The following WWOX variants were observed in gnomAD, a reference collection of about 807,000 sequenced individuals.
WWOX encodes WW domain-containing oxidoreductase.
WWOX carries 69 observed loss-of-function variants against 46.2 expected under a neutral mutation model. That is an observed-to-expected ratio of 1.49 (90% CI 1.23 to 1.82). The LOEUF is 1.82. Among genes scored for constraint, WWOX ranks in the 40% most tolerant of loss-of-function variants. The pLI is 0.00. For synonymous variants in WWOX, 359 were observed against 202.6 expected (o/e 1.77, Z -6.56); for missense variants, 919 against 542.6 (o/e 1.69, Z -6.89).
chr16:78,246,011 C>T (rs1276425761), intron 5 of WWOX, among the ~76,000 whole-genome samples: 1 of 152,186 alleles, frequency 6.6e-6, no homozygotes, highest in East Asian at 1.9e-4. Context: ...GTCTCATTCT[C>T]CCTGAATGGT....
At chr16:78,691,136 A>G (rs374060814) in intron 8 of WWOX, 7 of 658,124 alleles carry the variant, frequency 1.1e-5, no homozygotes, top group East Asian at 2.7e-5. Flanking sequence ...TTAGAAGTTC[A>G]TAAAAGCAAA....
At chr16:78,446,657 CTTTTTTTTTTTTT>C (rs5818138) in intron 8 of WWOX, among the ~76,000 whole-genome samples, 4 of 88,120 alleles carry the variant, frequency 4.5e-5, no homozygotes, top group South Asian at 3.7e-4. Flanking sequence ...CAAGTGTATA[CTTTTTTTTTTTTT>C]TTTTTTTTTT....
At chr16:78,614,599 C>T (rs533553759) in intron 8 of WWOX, among the ~76,000 whole-genome samples, 4 of 152,280 alleles carry the variant, frequency 2.6e-5, no homozygotes, top group Admixed American at 2.0e-4. Flanking sequence ...ATGTGTGGGT[C>T]TTTGAGCTAG....
intron 4 of WWOX, among the ~76,000 whole-genome samples, chr16:78,160,482 A>G (rs554800074): frequency 2.0e-5 from 3 of 152,294 alleles, no homozygotes; most frequent in African/African-American, 7.2e-5. Flanking sequence ...GGCTTTAGCT[A>G]TACTCCTTAA....
chr16:78,930,222 T>TCTTCCTTCCTTCCTTC (rs574392161), intron 8 of WWOX, among the ~76,000 whole-genome samples: 3,910 of 104,944 alleles, frequency 0.037, 185 homozygotes, highest in African/African-American at 0.061. Context: ...TCAGGACCTT[T>TCTTCCTTCCTTCCTTC]CTTCCTTCCT....
intron 8 of WWOX, among the ~76,000 whole-genome samples, chr16:78,648,977 A>G (rs1420036976): frequency 1.3e-5 from 2 of 151,402 alleles, no homozygotes; most frequent in Admixed American, 1.3e-4. Context: ...TTGCTTATTT[A>G]TTTGTTTATT....
At chr16:78,499,320 G>A (rs2084998255) in intron 8 of WWOX, among the ~76,000 whole-genome samples, 1 of 152,178 alleles carries the variant, frequency 6.6e-6, no homozygotes, top group South Asian at 2.1e-4. Flanking sequence ...TGGCACACAT[G>A]CTCTGTAGTC....
intron 8 of WWOX, among the ~76,000 whole-genome samples, chr16:78,578,443 C>G (rs2044960127): frequency 6.6e-6 from 1 of 150,716 alleles, no homozygotes; most frequent in Non-Finnish European, 1.5e-5. Flanking sequence ...GCGCCCACCA[C>G]CATGCCTGGC....
At chr16:78,766,812 T>G (rs1397985339) in intron 8 of WWOX, among the ~76,000 whole-genome samples, 1 of 152,224 alleles carries the variant, frequency 6.6e-6, no homozygotes, top group Non-Finnish European at 1.5e-5. Context: ...ACTTAGTATT[T>G]ATCATTTTAA....
intron 8 of WWOX, among the ~76,000 whole-genome samples, chr16:78,555,291 C>G (rs776797781): frequency 6.6e-6 from 1 of 151,518 alleles, no homozygotes; most frequent in Non-Finnish European, 1.5e-5. Context: ...TTCAACCAAA[C>G]TGAAAGGGAA....
chr16:79,070,955 C>G (rs1321976870), intron 8 of WWOX, among the ~76,000 whole-genome samples: 2 of 152,164 alleles, frequency 1.3e-5, no homozygotes, highest in Non-Finnish European at 2.9e-5. Context: ...CAGGTGGTTT[C>G]TTACTATGTC....
At chr16:79,000,230 C>G (rs55995798) in intron 8 of WWOX, among the ~76,000 whole-genome samples, 4,618 of 152,232 alleles carry the variant, frequency 0.03, 229 homozygotes, top group African/African-American at 0.11. Flanking sequence ...TCAGAAGGTT[C>G]CAGCTTTGCC....
intron 8 of WWOX, among the ~76,000 whole-genome samples, chr16:78,810,207 A>G (rs2051149922): frequency 6.6e-6 from 1 of 152,166 alleles, no homozygotes; most frequent in Admixed American, 6.5e-5. Flanking sequence ...TTTCAAAACT[A>G]CACTGAAAAT....
At chr16:78,640,659 C>T (rs1053147369) in intron 8 of WWOX, among the ~76,000 whole-genome samples, 11 of 152,106 alleles carry the variant, frequency 7.2e-5, no homozygotes, top group Admixed American at 4.6e-4. Flanking sequence ...AAAGAAGGGG[C>T]CGGGCATGGT....
At chr16:78,914,649 G>C (rs2045200076) in intron 8 of WWOX, among the ~76,000 whole-genome samples, 1 of 151,822 alleles carries the variant, frequency 6.6e-6, no homozygotes, top group African/African-American at 2.4e-5. Flanking sequence ...GGAGGCGGAG[G>C]CGGGCAGATC....
intron 6 of WWOX, among the ~76,000 whole-genome samples, chr16:78,422,270 T>C (rs760630242): frequency 1.3e-5 from 2 of 152,196 alleles, no homozygotes; most frequent in African/African-American, 2.4e-5. Flanking sequence ...TTTTAATTTC[T>C]ATAAAGATTT....
At chr16:78,364,395 C>A (rs778690838) in intron 5 of WWOX, among the ~76,000 whole-genome samples, 1 of 152,134 alleles carries the variant, frequency 6.6e-6, no homozygotes, top group Non-Finnish European at 1.5e-5. Context: ...ATTTACTTGG[C>A]TTTGGAGAAG....
At chr16:79,021,116 A>G (rs1019383029) in intron 8 of WWOX, among the ~76,000 whole-genome samples, 7 of 152,342 alleles carry the variant, frequency 4.6e-5, no homozygotes, top group Admixed American at 3.9e-4. Flanking sequence ...GTGCTTGGCC[A>G]GTACAAGGCC....
intron 8 of WWOX, among the ~76,000 whole-genome samples, chr16:78,756,769 G>A (rs540679706): frequency 6.6e-6 from 1 of 152,270 alleles, no homozygotes; most frequent in South Asian, 2.1e-4. Flanking sequence ...TGTGGCCTCT[G>A]GTGATTCTCA....
Sources: allele counts gnomAD v4.1 joint callset (sites outside exome capture counted in the v4.1 genomes callset), GRCh38; gene constraint gnomAD v4.1.1; transcripts MANE v1.5; gene names NCBI Gene and HGNC (gene_info 2026-07-23, HGNC 2026-07-21).